The following SPOCK1 variants were observed in gnomAD, a reference collection of about 807,000 sequenced individuals.
SPOCK1 encodes the protein testican-1.
SPOCK1 carries 23 observed loss-of-function variants against 55.3 expected under a neutral mutation model. The ratio of observed to expected loss-of-function variants is 0.42; its 90% CI spans 0.30 to 0.59. The LOEUF (loss-of-function observed/expected upper bound fraction) is 0.59. SPOCK1 is among the 20% of genes least tolerant of loss of function. The pLI is 0.22. For missense variants in SPOCK1, 499 were observed against 552.5 expected, an observed-to-expected ratio of 0.90 and a Z score of 0.97; for synonymous variants, 226 against 221.0, an observed-to-expected ratio of 1.02 and a Z score of -0.20.
chr5:137,202,577 A>G (rs950513626), intron 3 of SPOCK1, among the ~76,000 whole-genome samples: 1 of 152,240 alleles, frequency 6.6e-6, no homozygotes, highest in Non-Finnish European at 1.5e-5. Context: ...AGGAGAACCA[A>G]TGAGTAAAAA....
At chr5:137,209,233 G>A (rs756493177) in intron 3 of SPOCK1, among the ~76,000 whole-genome samples, 6 of 152,060 alleles carry the variant, frequency 3.9e-5, no homozygotes, top group Non-Finnish European at 7.4e-5. Context: ...ACCATGGTAG[G>A]AATTACCCAC....
chr5:137,492,754 C>T (rs941878410), intron 2 of SPOCK1, among the ~76,000 whole-genome samples: 2 of 152,222 alleles, frequency 1.3e-5, no homozygotes, highest in African/African-American at 4.8e-5. Flanking sequence ...GAGTGCCAGA[C>T]TGCTCAGTTG....
At chr5:137,099,279 C>T (rs1201138454) in intron 5 of SPOCK1, among the ~76,000 whole-genome samples, 1 of 152,144 alleles carries the variant, frequency 6.6e-6, no homozygotes, top group Non-Finnish European at 1.5e-5. Flanking sequence ...TCTCTGGACA[C>T]CCTCCACAGG....
chr5:137,401,558 C>A (rs1457765355), intron 2 of SPOCK1, among the ~76,000 whole-genome samples: 439 of 100,274 alleles, frequency 4.4e-3, no homozygotes, highest in African/African-American at 6.7e-3. Context: ...CTCATCTCTA[C>A]AAAAAAAAAA....
intron 6 of SPOCK1, among the ~76,000 whole-genome samples, chr5:137,004,174 C>T (rs1404394463): frequency 6.6e-6 from 1 of 152,086 alleles, no homozygotes; most frequent in Non-Finnish European, 1.5e-5. Context: ...GTTGAAAATT[C>T]CCACTTGGAA....
chr5:137,344,558 G>A (rs566330292), intron 2 of SPOCK1, among the ~76,000 whole-genome samples: 6 of 152,324 alleles, frequency 3.9e-5, no homozygotes, highest in Middle Eastern at 6.8e-3. Context: ...CACAAATGGG[G>A]AGGGGGCGGT....
Position 137,361,314 on chromosome 5 carries a change from A to C in SPOCK1, c.187-94259T>G, listed in dbSNP as rs78527525. 2.1e-4 allele frequency among the ~76,000 whole-genome samples: 32 copies of C among 152,334 alleles called. 1 individual carries two copies. In the East Asian group the frequency reaches 5.8e-3, roughly 28 times the overall value. On this transcript the variant is annotated intron_variant, in intron 2 of 10. Coordinates refer to ENST00000394945, the MANE Select transcript of SPOCK1 (RefSeq NM_004598.4). ...TATGACAATGTTATAATGATTAATTATCTCTCTATATGCCCTACTAGACTG... is the reference window on the plus strand; with the variant it reads ...TATGACAATGTTATAATGATTAATTCTCTCTCTATATGCCCTACTAGACTG...
chr5:137,178,301 T>C (rs1323299383), intron 3 of SPOCK1, among the ~76,000 whole-genome samples: 1 of 152,258 alleles, frequency 6.6e-6, no homozygotes, highest in Non-Finnish European at 1.5e-5. Context: ...GGTAAACACA[T>C]ACTTTGTGGA....
chr5:137,338,101 G>A (rs1479712901), intron 2 of SPOCK1, among the ~76,000 whole-genome samples: 2 of 152,094 alleles, frequency 1.3e-5, no homozygotes, highest in South Asian at 2.1e-4. Context: ...CATGTGCCAT[G>A]TTGGTGTGCT....
intron 6 of SPOCK1, among the ~76,000 whole-genome samples, chr5:137,042,516 A>G (rs1339065397): frequency 6.6e-6 from 1 of 152,200 alleles, no homozygotes; most frequent in African/African-American, 2.4e-5. Context: ...AATGTGACAC[A>G]GTAATCTGAA....
At chr5:137,328,575 C>T (rs980622837) in intron 2 of SPOCK1, among the ~76,000 whole-genome samples, 2 of 152,194 alleles carry the variant, frequency 1.3e-5, no homozygotes. Flanking sequence ...CTCTCCTTCT[C>T]AATGCAGAAC....
chr5:137,197,440 C>T (rs900574012), intron 3 of SPOCK1, among the ~76,000 whole-genome samples: 7 of 152,104 alleles, frequency 4.6e-5, no homozygotes, highest in Admixed American at 4.6e-4. Context: ...CCACTCTGGG[C>T]CAGTTTTCCC....
intron 2 of SPOCK1, among the ~76,000 whole-genome samples, chr5:137,424,725 G>C (rs1752571198): frequency 6.6e-6 from 1 of 152,142 alleles, no homozygotes; most frequent in Admixed American, 6.5e-5. Flanking sequence ...TTGTGCTAAG[G>C]GAAAGAAGCC....
At chr5:137,479,736 G>A (rs1753909591) in intron 2 of SPOCK1, among the ~76,000 whole-genome samples, 1 of 152,250 alleles carries the variant, frequency 6.6e-6, no homozygotes, top group Non-Finnish European at 1.5e-5. Flanking sequence ...CATGAGAGAT[G>A]TGTGGCATGA....
At chr5:137,114,347 G>A (rs1753538047) in intron 4 of SPOCK1, among the ~76,000 whole-genome samples, 1 of 152,148 alleles carries the variant, frequency 6.6e-6, no homozygotes, top group African/African-American at 2.4e-5. Flanking sequence ...GCTGTAGAGA[G>A]TGTCCAGGGA....
chr5:137,013,660 A>G (rs1751396010), intron 6 of SPOCK1, among the ~76,000 whole-genome samples: 1 of 152,138 alleles, frequency 6.6e-6, no homozygotes, highest in Non-Finnish European at 1.5e-5. Flanking sequence ...AAACTAATGA[A>G]TTTTTCCTCT....
chr5:137,254,559 G>A (rs190481102), intron 3 of SPOCK1, among the ~76,000 whole-genome samples: 2 of 152,290 alleles, frequency 1.3e-5, no homozygotes, highest in Admixed American at 1.3e-4. Context: ...GAGCACATCA[G>A]CATCCATACG....
At chr5:137,108,734 A>G (rs985100533) in intron 5 of SPOCK1, among the ~76,000 whole-genome samples, 10 of 152,198 alleles carry the variant, frequency 6.6e-5, no homozygotes, top group African/African-American at 2.2e-4. Context: ...ATTCAAAGAC[A>G]CTAAAGGAAT....
At chr5:137,489,056 T>A (rs1754120933) in intron 2 of SPOCK1, among the ~76,000 whole-genome samples, 1 of 152,178 alleles carries the variant, frequency 6.6e-6, no homozygotes, top group Admixed American at 6.5e-5. Flanking sequence ...GGATCCCCAA[T>A]AATTCACATC....
Sources: allele counts gnomAD v4.1 joint callset (sites outside exome capture counted in the v4.1 genomes callset), GRCh38; gene constraint gnomAD v4.1.1; transcripts MANE v1.5; gene names NCBI Gene and HGNC (gene_info 2026-07-23, HGNC 2026-07-21).